R3HDM2: variants seen among roughly 807,000 people sequenced by gnomAD.
R3HDM2 encodes the protein R3H domain containing 2.
In R3HDM2, 38 loss-of-function variants were observed where a neutral mutation model predicts 124.5. The ratio of observed to expected loss-of-function variants is 0.31; its 90% CI spans 0.24 to 0.40. R3HDM2 has a LOEUF of 0.40. R3HDM2 is among the 10% of genes least tolerant of loss of function. The pLI, the probability that R3HDM2 is intolerant of heterozygous loss-of-function variation, is 1.00. For synonymous variants in R3HDM2, 391 were observed against 448.0 expected (o/e 0.87, Z 1.61); for missense variants, 869 against 1,236.9 (o/e 0.70, Z 4.46).
chr12:57,256,480 T>A lies in R3HDM2; in HGVS notation c.2481A>T (p.Pro827=). ...GDGRYSLLGQ[P]LQYNLSICPP... ...GGCAGATGGACAGATTGTACTGTAATGGCTGGCCCAAAAGGGAGTAGCGCC... is the reference window on the plus strand; with the variant it reads ...GGCAGATGGACAGATTGTACTGTAAAGGCTGGCCCAAAAGGGAGTAGCGCC... The change falls in exon 22 of 24, where the codon CCA becomes CCT. Residue 827 remains proline, a synonymous_variant. Transcript: ENST00000402412. 1.9e-6 allele frequency: 3 copies of A among 1,595,916 alleles called. No individual in the cohort carries two copies. Among genetic ancestry groups the A allele is most frequent in the Non-Finnish European group, 2.6e-6 (3 of 1,170,884 alleles).
At chr12:57,425,655 C>T (rs940616384) in intron 1 of R3HDM2, among the ~76,000 whole-genome samples, 6 of 151,872 alleles carry the variant, frequency 4.0e-5, no homozygotes, top group African/African-American at 1.5e-4. Flanking sequence ...AAAAATTAGC[C>T]GGGCATGATG....
chr12:57,413,397 C>T (rs2069191475), intron 1 of R3HDM2, among the ~76,000 whole-genome samples: 1 of 146,364 alleles, frequency 6.8e-6, no homozygotes, highest in Admixed American at 6.9e-5. Context: ...AGTTCAAGAC[C>T]AGCCGGGCCA....
At chr12:57,262,013 CAGA>C (rs995777074) in intron 19 of R3HDM2, among the ~76,000 whole-genome samples, 5 of 152,082 alleles carry the variant, frequency 3.3e-5, no homozygotes, top group African/African-American at 1.2e-4. Flanking sequence ...TTATGTCTGG[CAGA>C]ATTGTTTTTC....
chr12:57,407,483 G>A (rs971279332), intron 1 of R3HDM2, among the ~76,000 whole-genome samples: 7 of 151,002 alleles, frequency 4.6e-5, no homozygotes, highest in Non-Finnish European at 8.8e-5. Context: ...TCAGCTCACT[G>A]CAACCTCCAC....
chr12:57,366,186 T>C (rs1198083360), intron 2 of R3HDM2, among the ~76,000 whole-genome samples: 1 of 152,110 alleles, frequency 6.6e-6, no homozygotes, highest in Admixed American at 6.6e-5. Context: ...ACAGGCTCTC[T>C]CTCTGTTGCC....
chr12:57,285,448 T>A (rs79076218), intron 12 of R3HDM2, among the ~76,000 whole-genome samples: 3,043 of 145,278 alleles, frequency 0.021, 72 homozygotes, highest in East Asian at 0.13. Flanking sequence ...AGAGAGAGAG[T>A]GTGTGTGTGT....
At chr12:57,401,312 G>A (rs1411981041) in intron 1 of R3HDM2, among the ~76,000 whole-genome samples, 3 of 151,766 alleles carry the variant, frequency 2.0e-5, no homozygotes, top group Non-Finnish European at 4.4e-5. Flanking sequence ...AGGCCGTTCA[G>A]TTTCCACTCA....
At chr12:57,263,538 G>A (rs1423009677) in intron 19 of R3HDM2, among the ~76,000 whole-genome samples, 3 of 151,980 alleles carry the variant, frequency 2.0e-5, no homozygotes, top group Admixed American at 6.6e-5. Flanking sequence ...GCGCAATCTC[G>A]GCTCACTGCA....
rs149754920 is a variant in R3HDM2 at position 57,343,339 on chromosome 12, G to A, written c.-35-32876C>T. 5.3e-4 allele frequency among the ~76,000 whole-genome samples: 81 copies of A among 151,730 alleles called. 1 individual carries two copies. Among genetic ancestry groups the A allele is most frequent in the Admixed American group, 3.0e-3 (46 of 15,222 alleles). ...CGAGTAGCTAGGATTACAGACATGCGCCACCAGGCCCAGCTAATTTTGTAT... is the reference window on the plus strand; with the variant it reads ...CGAGTAGCTAGGATTACAGACATGCACCACCAGGCCCAGCTAATTTTGTAT... On this transcript the variant is annotated intron_variant, in intron 2 of 23. Coordinates refer to ENST00000402412, the MANE Select transcript of R3HDM2 (RefSeq NM_001394031.1).
chr12:57,267,274 C>T (rs2042657661), intron 18 of R3HDM2, among the ~76,000 whole-genome samples: 1 of 151,698 alleles, frequency 6.6e-6, no homozygotes, highest in Admixed American at 6.6e-5. Flanking sequence ...AAAAAAAAGT[C>T]AGTTGGGTGC....
chr12:57,280,974 G>A lies in R3HDM2; in HGVS notation c.1172-444C>T, dbSNP rs531401881. ...CTTCTCTTTGCTTTCTTCTCAATTT[G>A]CAACATCTCTTATAAAAGTTGCTGA... On this transcript the variant is annotated intron_variant, in intron 13 of 23. Transcript: ENST00000402412. 7.9e-5 allele frequency among the ~76,000 whole-genome samples: 12 copies of A among 152,142 alleles called. No homozygotes were observed. In the East Asian group the frequency reaches 2.3e-3, roughly 29 times the overall value.
intron 2 of R3HDM2, among the ~76,000 whole-genome samples, chr12:57,389,177 G>A (rs1363961655): frequency 1.3e-5 from 2 of 152,182 alleles, no homozygotes; most frequent in Non-Finnish European, 2.9e-5. Flanking sequence ...GGAAGTGACT[G>A]ATGCAGTGAC....
At chr12:57,366,265 C>T (rs1215020685) in intron 2 of R3HDM2, among the ~76,000 whole-genome samples, 2 of 152,004 alleles carry the variant, frequency 1.3e-5, no homozygotes, top group African/African-American at 2.4e-5. Flanking sequence ...AGTGATCCTC[C>T]CATCCTGGTT....
chr12:57,273,956 A>AAG (rs1469702628), intron 14 of R3HDM2, among the ~76,000 whole-genome samples: 4 of 152,212 alleles, frequency 2.6e-5, no homozygotes, highest in African/African-American at 9.6e-5. Flanking sequence ...TGTGACCTGG[A>AAG]AGAGTTGCTG....
chr12:57,314,444 A>G (rs1293073128), intron 2 of R3HDM2, among the ~76,000 whole-genome samples: 1 of 152,182 alleles, frequency 6.6e-6, no homozygotes, highest in Non-Finnish European at 1.5e-5. Context: ...GTGCCATTAC[A>G]CTCCAGCCTA....
In R3HDM2 at chr12:57,430,766, C is replaced by A. The variant is rs1869712103; in HGVS notation, c.-152G>T. ...AGGGCGCCCACGTCTCCGCCCGCCG[C>A]CCGGGCCCACGGCCGCTCGGCTGCG... On this transcript the variant is annotated 5_prime_UTR_variant, in exon 1 of 24. Coordinates refer to ENST00000402412, the MANE Select transcript of R3HDM2 (RefSeq NM_001394031.1). 5.8e-6 allele frequency: 1 copy of A among 173,224 alleles called. No homozygotes were observed. Among genetic ancestry groups the A allele is most frequent in the Non-Finnish European group, 1.1e-5 (1 of 89,052 alleles). 10.7% of individuals were successfully genotyped at this position (173,224 alleles called of 1,614,324 possible).
At chr12:57,273,728 T>C (rs1198867306) in intron 14 of R3HDM2, among the ~76,000 whole-genome samples, 1 of 152,136 alleles carries the variant, frequency 6.6e-6, no homozygotes, top group Non-Finnish European at 1.5e-5. Context: ...CAAGGAGAAT[T>C]ATCCAAGCAC....
rs192604792 is a variant in R3HDM2 at position 57,385,342 on chromosome 12, C to T, written c.-36+10407G>A. 1.8e-3 allele frequency among the ~76,000 whole-genome samples: 263 copies of T among 149,112 alleles called. 2 individuals are homozygous for T. Among genetic ancestry groups the T allele is most frequent in the Admixed American group, 4.0e-3 (61 of 15,080 alleles). ...CTGCAAGCTCTACCTCCTGGGTTCA[C>T]GCCATTCTCCTGTCTCAGCCTCCCA... On this transcript the variant is annotated intron_variant, in intron 2 of 23. Coordinates refer to ENST00000402412, the MANE Select transcript of R3HDM2 (RefSeq NM_001394031.1).
At chr12:57,426,044 A>G (rs2070710708) in intron 1 of R3HDM2, among the ~76,000 whole-genome samples, 1 of 152,138 alleles carries the variant, frequency 6.6e-6, no homozygotes, top group Non-Finnish European at 1.5e-5. Flanking sequence ...CCTGGCCAAC[A>G]TGACAGAACC....
Sources: allele counts gnomAD v4.1 joint callset (sites outside exome capture counted in the v4.1 genomes callset), GRCh38; gene constraint gnomAD v4.1.1; transcripts MANE v1.5; gene names NCBI Gene and HGNC (gene_info 2026-07-23, HGNC 2026-07-21).